The following CGGBP1 variants were observed in gnomAD, a reference collection of about 807,000 sequenced individuals.
The protein encoded by CGGBP1 is CGG triplet repeat-binding protein 1.
CGGBP1 carries 4 observed loss-of-function variants against 11.4 expected under a neutral mutation model. The observed-to-expected ratio is 0.35, with a 90% CI of 0.17 to 0.80. The LOEUF is 0.80. Among genes scored for constraint, CGGBP1 ranks in the 30% least tolerant of loss-of-function variants. CGGBP1 has a pLI of 0.52. For missense variants in CGGBP1, 135 were observed against 202.1 expected, an observed-to-expected ratio of 0.67 and a Z score of 2.01; for synonymous variants, 76 against 74.1, an observed-to-expected ratio of 1.03 and a Z score of -0.13.
At chr3:88,085,793 T>G (rs1708308216) in intron 2 of CGGBP1, among the ~76,000 whole-genome samples, 1 of 152,220 alleles carries the variant, frequency 6.6e-6, no homozygotes, top group South Asian at 2.1e-4. Context: ...TAAATATTCA[T>G]AATCAGTATC....
chr3:88,145,696 AAT>A (rs1166847038), intron 1 of CGGBP1, among the ~76,000 whole-genome samples: 1 of 152,184 alleles, frequency 6.6e-6, no homozygotes, highest in East Asian at 1.9e-4. Context: ...CAAGATTTGA[AAT>A]AGAGTCAATC....
chr3:88,093,201 T>G (rs1418950363), intron 2 of CGGBP1, among the ~76,000 whole-genome samples: 2 of 152,204 alleles, frequency 1.3e-5, no homozygotes, highest in African/African-American at 2.4e-5. Flanking sequence ...GTTTTTTCCT[T>G]TTGCCTTGTT....
intron 2 of CGGBP1, among the ~76,000 whole-genome samples, chr3:88,100,076 C>T (rs1473946799): frequency 2.6e-5 from 4 of 152,172 alleles, no homozygotes; most frequent in African/African-American, 9.7e-5. Flanking sequence ...ATCTACCCAT[C>T]TGACAAAGGG....
In CGGBP1 at chr3:88,053,114, C is replaced by A. The variant is rs1482153041; in HGVS notation, c.*2359G>T. On this transcript the variant is annotated 3_prime_UTR_variant, in exon 4 of 4. Coordinates refer to ENST00000482016, the MANE Select transcript of CGGBP1 (RefSeq NM_001008390.2). ...TTAAGATTGAAAACTTCTGTACACA[C>A]GTTCACTACACCTCCAAAGCAGCAT... 1 of 152,522 alleles carries A rather than the reference C, an allele frequency of 6.6e-6. No homozygotes were observed. The highest frequency in any genetic ancestry group is 1.5e-5 in the Non-Finnish European group (1 of 68,000). The allele number at this position is 152,522 out of a possible 1,614,324, so 9.4% of individuals were successfully genotyped here.
At chr3:88,059,548 G>T, upstream of CGGBP1, 1 of 1,450,804 alleles carries the variant, frequency 6.9e-7, no homozygotes, top group South Asian at 1.4e-5. Flanking sequence ...CCCGGGTCCT[G>T]GGCCTCTCTG....
At chr3:88,071,994 TATCA>T (rs533971907) in intron 2 of CGGBP1, among the ~76,000 whole-genome samples, 11 of 152,304 alleles carry the variant, frequency 7.2e-5, no homozygotes, top group South Asian at 6.2e-4. Flanking sequence ...TTTTTCTTAC[TATCA>T]ATCAGTTGAA....
chr3:88,098,582 G>T (rs1704206949), intron 2 of CGGBP1, among the ~76,000 whole-genome samples: 1 of 152,028 alleles, frequency 6.6e-6, no homozygotes, highest in Non-Finnish European at 1.5e-5. Flanking sequence ...AAAATCCTCA[G>T]TAAAATACTG....
intron 2 of CGGBP1, among the ~76,000 whole-genome samples, chr3:88,082,496 G>T (rs1257400936): frequency 3.9e-5 from 6 of 152,192 alleles, no homozygotes; most frequent in African/African-American, 1.4e-4. Flanking sequence ...TGAACAGCTT[G>T]AATGACACCT....
At chr3:88,112,583 G>C (rs1705157744) in intron 2 of CGGBP1, among the ~76,000 whole-genome samples, 1 of 151,992 alleles carries the variant, frequency 6.6e-6, no homozygotes, top group Non-Finnish European at 1.5e-5. Flanking sequence ...TAAGCTTAGT[G>C]TGAGGAACCA....
At chr3:88,068,458 A>G (rs1707324361) in intron 2 of CGGBP1, among the ~76,000 whole-genome samples, 1 of 152,106 alleles carries the variant, frequency 6.6e-6, no homozygotes, top group Non-Finnish European at 1.5e-5. Context: ...GTGCATATAT[A>G]ATGTCATAAC....
At chr3:88,116,038 TC>T (rs1474470373) in intron 2 of CGGBP1, among the ~76,000 whole-genome samples, 1 of 152,028 alleles carries the variant, frequency 6.6e-6, no homozygotes, top group Non-Finnish European at 1.5e-5. Context: ...AGAGAGAACT[TC>T]CACTGGTATC....
chr3:88,058,341 T>C (rs1706623852), intron 1 of CGGBP1, 118 bp from the exon 2 acceptor site: 1 of 152,204 alleles, frequency 6.6e-6, no homozygotes, highest in Non-Finnish European at 1.5e-5. Flanking sequence ...AATCACTTTA[T>C]AGGTAACTAC....
intron 2 of CGGBP1, among the ~76,000 whole-genome samples, chr3:88,071,131 T>TC (rs1385691620): frequency 4.1e-4 from 62 of 152,336 alleles, no homozygotes; most frequent in African/African-American, 1.4e-3. Context: ...TTGCTTTCCT[T>TC]CCTGGCATCT....
At chr3:88,129,975 G>C (rs1385897852) in intron 2 of CGGBP1, 1 of 610,892 alleles carries the variant, frequency 1.6e-6, no homozygotes, top group African/African-American at 1.9e-5. Context: ...TAGATTCTAA[G>C]AACTAGAGAC....
intron 2 of CGGBP1, among the ~76,000 whole-genome samples, chr3:88,075,672 G>A (rs1405866396): frequency 1.3e-5 from 2 of 152,102 alleles, no homozygotes; most frequent in Non-Finnish European, 2.9e-5. Flanking sequence ...GCAATAGTAG[G>A]ATATGTCATT....
At chr3:88,111,847 T>G (rs917671633) in intron 2 of CGGBP1, among the ~76,000 whole-genome samples, 3 of 151,970 alleles carry the variant, frequency 2.0e-5, no homozygotes, top group Admixed American at 6.6e-5. Flanking sequence ...ATCTCTTTTA[T>G]TTTCATAAAT....
intron 2 of CGGBP1, among the ~76,000 whole-genome samples, chr3:88,068,505 C>A (rs1387014044): frequency 6.6e-6 from 1 of 152,016 alleles, no homozygotes; most frequent in Non-Finnish European, 1.5e-5. Context: ...ATTTCTACAA[C>A]TAGAGTTTAT....
At chr3:88,108,386 A>T (rs1214359867) in intron 2 of CGGBP1, among the ~76,000 whole-genome samples, 1 of 152,124 alleles carries the variant, frequency 6.6e-6, no homozygotes, top group Non-Finnish European at 1.5e-5. Context: ...AGTGACTCAT[A>T]CTATGGAAAA....
intron 2 of CGGBP1, among the ~76,000 whole-genome samples, chr3:88,108,720 T>G (rs1254472779): frequency 6.6e-6 from 1 of 152,134 alleles, no homozygotes. Context: ...TAACCCTTAT[T>G]TTACTTAATA....
Sources: gnomAD v4.1 joint callset for allele counts (sites outside exome capture counted in the v4.1 genomes callset) on GRCh38, gnomAD v4.1.1 for gene constraint, MANE v1.5 for transcripts, NCBI Gene and HGNC (gene_info 2026-07-23, HGNC 2026-07-21) for gene names.